Variants in FAM227B observed in about 807,000 individuals in gnomAD.
FAM227B encodes the protein protein FAM227B.
Under a neutral mutation model 73.8 loss-of-function variants are expected in FAM227B, and 88 were observed. The observed-to-expected ratio is 1.19, with a 90% CI of 1.00 to 1.42. FAM227B has a LOEUF of 1.42. Ranked by LOEUF, FAM227B falls within the 40% of genes most tolerant of loss-of-function variation. The pLI is 0.00. For missense variants in FAM227B, 632 were observed against 590.9 expected, an observed-to-expected ratio of 1.07 and a Z score of -0.72; for synonymous variants, 210 against 190.5, an observed-to-expected ratio of 1.10 and a Z score of -0.84.
At chr15:49,386,485 C>T (rs2046892719) in intron 11 of FAM227B, among the ~76,000 whole-genome samples, 1 of 151,738 alleles carries the variant, frequency 6.6e-6, no homozygotes, top group Non-Finnish European at 1.5e-5. Flanking sequence ...ATCAAAACCT[C>T]TGGAATACAG....
chr15:49,549,770 T>C (rs1686045983), intron 9 of FAM227B, among the ~76,000 whole-genome samples: 1 of 152,176 alleles, frequency 6.6e-6, no homozygotes, highest in Admixed American at 6.5e-5. Flanking sequence ...TTCCCCACCT[T>C]TCCCCACTTT....
chr15:49,489,694 A>G (rs1297816863), intron 11 of FAM227B, among the ~76,000 whole-genome samples: 2 of 148,614 alleles, frequency 1.3e-5, no homozygotes, highest in Non-Finnish European at 3.0e-5. Context: ...AGACCTAAAA[A>G]GACTTGAAAA....
At chr15:49,430,221 G>A (rs1166507458) in intron 11 of FAM227B, among the ~76,000 whole-genome samples, 3 of 151,864 alleles carry the variant, frequency 2.0e-5, no homozygotes, top group Non-Finnish European at 2.9e-5. Context: ...TTAGCTGCAG[G>A]GAAGAATAGG....
intron 6 of FAM227B, 190 bp from the exon 7 acceptor site, chr15:49,577,035 G>A (rs2075491775): frequency 8.4e-6 from 4 of 474,962 alleles, no homozygotes; most frequent in Admixed American, 7.7e-5. Context: ...GGTGGCTCAC[G>A]CCTGTAATCC....
At chr15:49,379,166 T>A (rs909153969) in intron 11 of FAM227B, among the ~76,000 whole-genome samples, 1 of 152,198 alleles carries the variant, frequency 6.6e-6, no homozygotes, top group Admixed American at 6.5e-5. Context: ...TGATGAATAA[T>A]CTTTCTAATG....
intron 10 of FAM227B, among the ~76,000 whole-genome samples, chr15:49,538,492 G>A (rs897585095): frequency 6.6e-6 from 1 of 152,160 alleles, no homozygotes; most frequent in African/African-American, 2.4e-5. Flanking sequence ...CCCAGGGGGT[G>A]AGGTGCTACT....
intron 10 of FAM227B, among the ~76,000 whole-genome samples, chr15:49,539,512 G>T (rs1414408433): frequency 6.6e-6 from 1 of 152,146 alleles, no homozygotes; most frequent in Non-Finnish European, 1.5e-5. Context: ...GGGGCAGTAG[G>T]GACATTGGTG....
rs1440530187 is a variant in FAM227B at position 49,591,624 on chromosome 15, T to A, written c.106-1617A>T. ...CCTCAGCCTCCCAAGTAGCTGGGAT[T>A]ACAGGCACGTGCCACCATGCCCAAC... On this transcript the variant is annotated intron_variant, in intron 3 of 15. Coordinates refer to ENST00000299338, the MANE Select transcript of FAM227B (RefSeq NM_152647.3). Among the ~76,000 whole-genome samples, 4 of 151,576 alleles carry A rather than the reference T, an allele frequency of 2.6e-5. No individual in the cohort carries two copies. In the East Asian group the frequency reaches 7.8e-4, roughly 30 times the overall value.
intron 5 of FAM227B, among the ~76,000 whole-genome samples, chr15:49,582,909 AG>A (rs1388747520): frequency 6.6e-6 from 1 of 152,226 alleles, no homozygotes; most frequent in Non-Finnish European, 1.5e-5. Flanking sequence ...GGCAGAAATC[AG>A]GAAGTCCTTT....
At chr15:49,328,979 C>CT in intron 15 of FAM227B, 1 of 1,043,374 alleles carries the variant, frequency 9.6e-7, no homozygotes, top group Non-Finnish European at 1.2e-6. Flanking sequence ...GATGATAATT[C>CT]AGATAATTCA....
chr15:49,583,072 G>A (rs1818175907), intron 5 of FAM227B, among the ~76,000 whole-genome samples: 1 of 151,410 alleles, frequency 6.6e-6, no homozygotes, highest in Non-Finnish European at 1.5e-5. Context: ...AAAGAACCAG[G>A]GAATCAAAAG....
At chr15:49,421,251 C>T (rs982381106) in intron 11 of FAM227B, among the ~76,000 whole-genome samples, 5 of 152,102 alleles carry the variant, frequency 3.3e-5, no homozygotes, top group African/African-American at 1.2e-4. Flanking sequence ...ATAATAAGGG[C>T]ACAGTGAAAT....
At chr15:49,426,429 G>C (rs1421539148) in intron 11 of FAM227B, among the ~76,000 whole-genome samples, 1 of 151,814 alleles carries the variant, frequency 6.6e-6, no homozygotes, top group Admixed American at 6.6e-5. Flanking sequence ...TACTCCTTTT[G>C]AATCCTTTTA....
At chr15:49,448,040 G>A (rs1175256546) in intron 11 of FAM227B, among the ~76,000 whole-genome samples, 1 of 151,524 alleles carries the variant, frequency 6.6e-6, no homozygotes, top group Non-Finnish European at 1.5e-5. Flanking sequence ...ATGTCCGAGA[G>A]CATATACAGA....
chr15:49,389,778 G>C (rs904792234), intron 11 of FAM227B, among the ~76,000 whole-genome samples: 1 of 151,932 alleles, frequency 6.6e-6, no homozygotes, highest in African/African-American at 2.4e-5. Context: ...CCTTTCTTTA[G>C]GAAAGCTGAA....
At chr15:49,493,868 A>ATG (rs541689713) in intron 11 of FAM227B, among the ~76,000 whole-genome samples, 4,565 of 79,724 alleles carry the variant, frequency 0.057, 102 homozygotes, top group Middle Eastern at 0.11. Context: ...GTATGTATGT[A>ATG]TGTGTATATA....
At chr15:49,372,737 G>A (rs371364929) in intron 11 of FAM227B, among the ~76,000 whole-genome samples, 3 of 152,220 alleles carry the variant, frequency 2.0e-5, no homozygotes, top group Middle Eastern at 3.4e-3. Flanking sequence ...GATCTGAGAG[G>A]TTTGTTCTAG....
intron 3 of FAM227B, among the ~76,000 whole-genome samples, chr15:49,597,106 C>T (rs1274258606): frequency 6.6e-6 from 1 of 151,924 alleles, no homozygotes; most frequent in African/African-American, 2.4e-5. Context: ...TTAAACTATA[C>T]CCTACAACAA....
chr15:49,393,679 G>A (rs1483389060), intron 11 of FAM227B, among the ~76,000 whole-genome samples: 1 of 152,038 alleles, frequency 6.6e-6, no homozygotes, highest in Non-Finnish European at 1.5e-5. Flanking sequence ...TTACAAGGCT[G>A]GTCATTCCAA....
Sources: allele counts gnomAD v4.1 joint callset (sites outside exome capture counted in the v4.1 genomes callset), GRCh38; gene constraint gnomAD v4.1.1; transcripts MANE v1.5; gene names NCBI Gene and HGNC (gene_info 2026-07-23, HGNC 2026-07-21).